The following CPNE8 variants were observed in gnomAD, a reference collection of about 807,000 sequenced individuals.
The protein encoded by CPNE8 is copine 8.
CPNE8 carries 45 observed loss-of-function variants against 81.5 expected under a neutral mutation model. The ratio of observed to expected loss-of-function variants is 0.55; its 90% CI spans 0.44 to 0.71. The LOEUF is 0.71. CPNE8 is among the 30% of genes least tolerant of loss of function. The pLI, the probability that CPNE8 is intolerant of heterozygous loss-of-function variation, is 0.00. For missense variants in CPNE8, 594 were observed against 672.1 expected, an observed-to-expected ratio of 0.88 and a Z score of 1.28; for synonymous variants, 252 against 226.3, an observed-to-expected ratio of 1.11 and a Z score of -1.02.
At position 38,760,435 on chromosome 12, in the gene CPNE8, G is replaced by GTATATACATATATA. The variant is rs1555154498; in HGVS notation, c.722+411_722+412insTATATATGTATATA. On this transcript the variant is annotated intron_variant, in intron 10 of 19. Transcript: ENST00000331366. The stretch of plus-strand genomic sequence containing the variant: ...ATTCTCGAGTTTTGTTGTATGGTGT[G>GTATATACATATATA]TATATATATATATATATGTGTGTGT... Among the ~76,000 whole-genome samples, 12 of 127,256 alleles carry GTATATACATATATA rather than the reference G, an allele frequency of 9.4e-5. No homozygotes were observed. The South Asian group carries it at 1.9e-3, about 20-fold the overall frequency. 83.5% of individuals were successfully genotyped at this position (127,256 alleles called of 152,430 possible).
intron 3 of CPNE8, among the ~76,000 whole-genome samples, chr12:38,867,990 G>C (rs1943939720): frequency 1.3e-5 from 2 of 151,812 alleles, no homozygotes; most frequent in Non-Finnish European, 2.9e-5. Flanking sequence ...TATTTATTTG[G>C]AGCATTTGTT....
At chr12:38,663,192 A>G (rs570948248) in intron 19 of CPNE8, among the ~76,000 whole-genome samples, 3 of 152,248 alleles carry the variant, frequency 2.0e-5, no homozygotes, top group Admixed American at 6.5e-5. Flanking sequence ...CAAGAGAGTG[A>G]AGAGACAAAC....
upstream of CPNE8, chr12:38,906,046 G>A (rs1944567225): frequency 1.0e-6 from 1 of 987,044 alleles, no homozygotes; most frequent in Non-Finnish European, 1.2e-6. Flanking sequence ...AGGTCTCGAA[G>A]TTTCCTCGCC....
chr12:38,875,916 T>C (rs1944059603), intron 1 of CPNE8, among the ~76,000 whole-genome samples: 1 of 152,212 alleles, frequency 6.6e-6, no homozygotes, highest in African/African-American at 2.4e-5. Flanking sequence ...TGACATTATA[T>C]TTATTATACA....
chr12:38,902,296 A>AAAGG (rs1183045799), intron 1 of CPNE8, among the ~76,000 whole-genome samples: 4,889 of 55,906 alleles, frequency 0.087, 673 homozygotes, highest in East Asian at 0.11. Flanking sequence ...GGAAGGAAGG[A>AAAGG]AAGGAAGGAA....
intron 18 of CPNE8, among the ~76,000 whole-genome samples, chr12:38,673,893 A>C (rs996920561): frequency 2.0e-5 from 3 of 152,076 alleles, no homozygotes; most frequent in African/African-American, 7.2e-5. Context: ...CTCCGCCTCT[A>C]TAAGGAGAAG....
Position 38,878,750 on chromosome 12 carries a change from T to C in CPNE8, c.99-4239A>G, listed in dbSNP as rs17126729. ...CTTTCTCAAACTGGAAAGTAGCAAT[T>C]CTCTTTCAACTTCAAAGCAAATCTG... On this transcript the variant is annotated intron_variant, in intron 1 of 19. Coordinates refer to ENST00000331366, the MANE Select transcript of CPNE8 (RefSeq NM_153634.3). Among the ~76,000 whole-genome samples the C allele has an allele frequency of 1.4e-3, 215 of 152,322 alleles. 1 individual carries two copies. The highest frequency in any genetic ancestry group is 4.9e-3 in the African/African-American group (203 of 41,582).
chr12:38,669,601 C>T (rs1218623069), intron 19 of CPNE8, among the ~76,000 whole-genome samples: 1 of 152,148 alleles, frequency 6.6e-6, no homozygotes, highest in Non-Finnish European at 1.5e-5. Flanking sequence ...CTTTAAGTTC[C>T]AGCTCCCTTT....
intron 19 of CPNE8, 72 bp from the exon 20 acceptor site, chr12:38,654,142 C>T (rs955406649): frequency 1.4e-6 from 2 of 1,475,220 alleles, no homozygotes; most frequent in African/African-American, 2.9e-5. Context: ...AAAATCAACA[C>T]ATGTACACAT....
rs1384914190 is a variant in CPNE8 at position 38,653,939 on chromosome 12, T to C, written c.1638A>G (p.Pro546=). The change falls in exon 20 of 20, where the codon CCA becomes CCG. Residue 546 remains proline, a synonymous_variant. Transcript: ENST00000331366. ...GGGTGTATGGGGGAGGCGCAGGTGA[T>C]GGCTTGATTCCTCGGGCTCTCATAT... ...LSYMRARGIK[P]SPAPPPYTPP... 6.2e-7 allele frequency: 1 copy of C among 1,613,698 alleles called. No homozygotes were observed. The highest frequency in any genetic ancestry group is 2.2e-5 in the East Asian group (1 of 44,810).
At chr12:38,819,496 G>A (rs1350039895) in intron 6 of CPNE8, among the ~76,000 whole-genome samples, 1 of 152,144 alleles carries the variant, frequency 6.6e-6, no homozygotes, top group East Asian at 1.9e-4. Context: ...GGCCGGGCGC[G>A]GTGGCTCACG....
intron 1 of CPNE8, among the ~76,000 whole-genome samples, chr12:38,875,309 T>C (rs1324476852): frequency 2.0e-5 from 3 of 152,256 alleles, no homozygotes; most frequent in Middle Eastern, 3.4e-3. Flanking sequence ...CAGGAAATTA[T>C]TAGAAAAATT....
chr12:38,704,834 A>ATG (rs370867515), intron 13 of CPNE8, among the ~76,000 whole-genome samples: 11,029 of 81,302 alleles, frequency 0.14, 1,905 homozygotes, highest in East Asian at 0.34. Context: ...GTGTATATAT[A>ATG]TATATATATA....
Position 38,717,518 on chromosome 12 carries a change from T to G in CPNE8, c.914+6254A>C, listed in dbSNP as rs111467277. Among the ~76,000 whole-genome samples the G allele has an allele frequency of 6.9e-3, 994 of 144,738 alleles. 9 individuals are homozygous for G. Among genetic ancestry groups the G allele is most frequent in the African/African-American group, 0.019 (753 of 39,270 alleles). The allele number at this position is 144,738 out of a possible 152,430, so 95.0% of individuals were successfully genotyped here. On this transcript the variant is annotated intron_variant, in intron 13 of 19. Transcript: ENST00000331366. ...CAAAATAATGTCTTTTGCAGCAAATTGGGTGCAGGTGGAGGTATTTATTCT... is the reference window on the plus strand; with the variant it reads ...CAAAATAATGTCTTTTGCAGCAAATGGGGTGCAGGTGGAGGTATTTATTCT...
In CPNE8 at chr12:38,799,195, G is replaced by A. The variant is rs11503910; in HGVS notation, c.408-22894C>T. Among the ~76,000 whole-genome samples the A allele has an allele frequency of 5.2e-3, 792 of 152,022 alleles. 9 individuals carry two copies. Among genetic ancestry groups the A allele is most frequent in the African/African-American group, 0.018 (765 of 41,452 alleles). ...AATTGAACTCATCTCTGCACCAAGG[G>A]GACCTAATAGACATCTACAGAACTC... is the stretch of plus-strand genomic sequence containing the variant. On this transcript the variant is annotated intron_variant, in intron 6 of 19. Transcript: ENST00000331366.
At chr12:38,820,421 GAAAGA>G (rs765623183) in intron 6 of CPNE8, among the ~76,000 whole-genome samples, 46 of 151,592 alleles carry the variant, frequency 3.0e-4, no homozygotes, top group Admixed American at 5.3e-4. Context: ...AAAAAAGAAA[GAAAGA>G]AAAGAAAAAT....
intron 3 of CPNE8, among the ~76,000 whole-genome samples, chr12:38,870,455 T>C (rs575581075): frequency 2.6e-5 from 4 of 152,278 alleles, no homozygotes; most frequent in Non-Finnish European, 5.9e-5. Context: ...TGGAATGCTA[T>C]GCAGCCATAA....
chr12:38,765,569 A>C (rs533805054), intron 8 of CPNE8, among the ~76,000 whole-genome samples: 1 of 152,252 alleles, frequency 6.6e-6, no homozygotes, highest in Admixed American at 6.5e-5. Flanking sequence ...CATATTAAAA[A>C]AATATTTAAA....
intron 13 of CPNE8, among the ~76,000 whole-genome samples, chr12:38,711,719 TC>T (rs1370104756): frequency 6.6e-6 from 1 of 152,176 alleles, no homozygotes; most frequent in African/African-American, 2.4e-5. Context: ...TCCACCCGCC[TC>T]GGCCTCCCAA....
Sources: gnomAD v4.1 joint callset for allele counts (sites outside exome capture counted in the v4.1 genomes callset) on GRCh38, gnomAD v4.1.1 for gene constraint, MANE v1.5 for transcripts, NCBI Gene and HGNC (gene_info 2026-07-23, HGNC 2026-07-21) for gene names.